TRAF3: variants seen among roughly 807,000 people sequenced by gnomAD.
TRAF3 encodes TNF receptor associated factor 3, also known as TNF receptor-associated factor 3.
TRAF3 carries 13 observed loss-of-function variants against 62.3 expected under a neutral mutation model. That is an observed-to-expected ratio of 0.21 (90% CI 0.14 to 0.33). The LOEUF is 0.33. Among genes scored for constraint, TRAF3 ranks in the 10% least tolerant of loss-of-function variants. The probability of loss-of-function intolerance (pLI) is 1.00; values close to 1 mark genes in which losing one functional copy is unlikely to be tolerated. For synonymous variants in TRAF3, 269 were observed against 283.4 expected, an observed-to-expected ratio of 0.95 and a Z score of 0.51; for missense variants, 440 against 741.8, an observed-to-expected ratio of 0.59 and a Z score of 4.73.
At chr14:102,784,498 C>T (rs1897402833) in intron 1 of TRAF3, among the ~76,000 whole-genome samples, 1 of 152,178 alleles carries the variant, frequency 6.6e-6, no homozygotes, top group Non-Finnish European at 1.5e-5. Flanking sequence ...GCTGGGATTA[C>T]AGGCGTGAGG....
chr14:102,905,248 A>T lies in TRAF3; in HGVS notation c.1171A>T (p.Met391Leu). The T allele has an allele frequency of 1.2e-6, 2 of 1,614,144 alleles. No individual in the cohort carries two copies. The highest frequency in any genetic ancestry group is 1.7e-6 in the Non-Finnish European group (2 of 1,180,044). ...LESQLSRHDQ[M>L]LSVHDIRLAD... ...GTCCCAGCTGAGCCGGCATGACCAG[A>T]TGCTGAGTGTGCACGACATCCGCCT... The change falls in exon 12 of 12, where the codon ATG becomes TTG. Residue 391 changes from methionine to leucine, a missense_variant. Met to Leu is a conservative substitution (Grantham distance 15). This residue lies in a region of TRAF3 where 41 missense variants were observed against 40.0 expected (regional missense o/e 1.03). Coordinates refer to ENST00000392745, the MANE Select transcript of TRAF3 (RefSeq NM_145725.3).
At chr14:102,873,838 G>C (rs921474229) in intron 4 of TRAF3, among the ~76,000 whole-genome samples, 9 of 152,006 alleles carry the variant, frequency 5.9e-5, no homozygotes, top group African/African-American at 2.2e-4. Flanking sequence ...AACAGCTGTT[G>C]ATTTTATTTC....
intron 1 of TRAF3, among the ~76,000 whole-genome samples, chr14:102,827,021 C>T (rs148241026): frequency 3.9e-5 from 6 of 152,284 alleles, no homozygotes; most frequent in South Asian, 2.1e-4. Context: ...GGACGGGCTC[C>T]GGCCACAGGC....
intron 1 of TRAF3, among the ~76,000 whole-genome samples, chr14:102,795,563 C>T (rs1898026488): frequency 7.5e-6 from 1 of 132,714 alleles, no homozygotes; most frequent in South Asian, 3.0e-4. Flanking sequence ...TATACACACA[C>T]ATATATACAT....
chr14:102,892,662 C>T (rs574397055), intron 9 of TRAF3, among the ~76,000 whole-genome samples: 2 of 152,308 alleles, frequency 1.3e-5, no homozygotes, highest in African/African-American at 4.8e-5. Context: ...ATTTGAGTTT[C>T]GTAAAGATTT....
rs1241699900 is a variant in TRAF3, at chr14:102,777,720, G to GCGCCTCCATCCCCGT, written c.-157+58_-157+72dup. On this transcript the variant is annotated intron_variant, in intron 1 of 11. Transcript: ENST00000392745. Reference sequence around the variant, plus strand: ...GGGCGGGCCTCCGGCGCGCGGCCGGGCGCCTCCATCCCCGTCGCCTCCATC... The same window carrying GCGCCTCCATCCCCGT: ...GGGCGGGCCTCCGGCGCGCGGCCGGGCGCCTCCATCCCCGTCGCCTCCATCCCCGTCGCCTCCATC... 6 of 144,990 alleles carry GCGCCTCCATCCCCGT rather than the reference G, an allele frequency of 4.1e-5. No homozygotes were observed. In the East Asian group the frequency reaches 8.2e-4, roughly 20 times the overall value. The allele number at this position is 144,990 out of a possible 1,614,324, so 9.0% of individuals were successfully genotyped here.
At chr14:102,800,775 A>C (rs1004933277) in intron 1 of TRAF3, among the ~76,000 whole-genome samples, 5 of 143,878 alleles carry the variant, frequency 3.5e-5, no homozygotes, top group Non-Finnish European at 4.5e-5. Context: ...AGCTCTCTGC[A>C]GCCTTGAACT....
chr14:102,806,589 C>G (rs1898786228), intron 1 of TRAF3, among the ~76,000 whole-genome samples: 1 of 152,146 alleles, frequency 6.6e-6, no homozygotes, highest in African/African-American at 2.4e-5. Flanking sequence ...CTATTGAGTC[C>G]TTGGTATGTG....
intron 2 of TRAF3, among the ~76,000 whole-genome samples, chr14:102,833,449 A>ATCCT (rs911671272): frequency 1.3e-4 from 20 of 152,176 alleles, no homozygotes; most frequent in African/African-American, 4.8e-4. Flanking sequence ...TTGCGAATGG[A>ATCCT]TCCTTCCTTC....
chr14:102,888,833 G>C (rs748688878), intron 7 of TRAF3, among the ~76,000 whole-genome samples: 3 of 152,116 alleles, frequency 2.0e-5, no homozygotes, highest in African/African-American at 7.2e-5. Context: ...CTTTTCTCTT[G>C]TTAGGGCATC....
Position 102,801,409 on chromosome 14 carries a change from G to A in TRAF3, c.-157+23734G>A, listed in dbSNP as rs897094302. Among the ~76,000 whole-genome samples the A allele has an allele frequency of 3.9e-5, 6 of 152,054 alleles. No individual in the cohort carries two copies. In the East Asian group the frequency reaches 5.8e-4, roughly 15 times the overall value. ...TGAACTCTGAAACACATCTGGCCTCGGTTTTGGATAAGGATTGTGGTGCTA... is the reference window on the plus strand; with the variant it reads ...TGAACTCTGAAACACATCTGGCCTCAGTTTTGGATAAGGATTGTGGTGCTA... On this transcript the variant is annotated intron_variant, in intron 1 of 11. Transcript: ENST00000392745.
intron 7 of TRAF3, among the ~76,000 whole-genome samples, chr14:102,887,514 G>A (rs796111180): frequency 1.1e-4 from 17 of 152,334 alleles, no homozygotes; most frequent in African/African-American, 4.1e-4. Flanking sequence ...CCTGGGAGGA[G>A]CTAGGGAAAA....
chr14:102,827,571 C>G (rs1163231758), intron 1 of TRAF3, among the ~76,000 whole-genome samples: 1 of 152,090 alleles, frequency 6.6e-6, no homozygotes, highest in African/African-American at 2.4e-5. Context: ...GGGGAATTTT[C>G]CTCTTGTGGT....
intron 2 of TRAF3, among the ~76,000 whole-genome samples, chr14:102,869,185 C>T (rs898314622): frequency 6.6e-6 from 1 of 152,234 alleles, no homozygotes; most frequent in Non-Finnish European, 1.5e-5. Context: ...CACTCCACAG[C>T]TCTGTGCACA....
intron 3 of TRAF3, among the ~76,000 whole-genome samples, chr14:102,870,910 G>A (rs1393255292): frequency 1.3e-5 from 2 of 152,240 alleles, no homozygotes; most frequent in Non-Finnish European, 2.9e-5. Context: ...AGGCGTGTGT[G>A]GAACATGCAC....
intron 2 of TRAF3, among the ~76,000 whole-genome samples, chr14:102,846,417 T>C (rs545615708): frequency 1.3e-5 from 2 of 152,262 alleles, no homozygotes; most frequent in East Asian, 3.9e-4. Context: ...TATGATTTTG[T>C]TATTTTCATC....
chr14:102,784,930 G>C (rs542303973), intron 1 of TRAF3, among the ~76,000 whole-genome samples: 1 of 152,162 alleles, frequency 6.6e-6, no homozygotes, highest in South Asian at 2.1e-4. Context: ...CTTCAGGGGA[G>C]AGGGTACAGG....
chr14:102,845,980 CAAAAAAAAAAAAAA>C (rs35353834), intron 2 of TRAF3, among the ~76,000 whole-genome samples: 8 of 56,850 alleles, frequency 1.4e-4, no homozygotes, highest in African/African-American at 3.4e-4. Context: ...GACCGTGTCT[CAAAAAAAAAAAAAA>C]AAAAAAAAAA....
At chr14:102,788,704 A>T (rs1301091266) in intron 1 of TRAF3, among the ~76,000 whole-genome samples, 6 of 152,208 alleles carry the variant, frequency 3.9e-5, no homozygotes, top group Non-Finnish European at 1.5e-5. Context: ...AGGCTGAGGC[A>T]GGAGAATCAC....
Sources: allele counts gnomAD v4.1 joint callset (sites outside exome capture counted in the v4.1 genomes callset), GRCh38; gene constraint gnomAD v4.1.1; regional missense constraint gnomAD v4.1.1; transcripts MANE v1.5; gene names NCBI Gene and HGNC (gene_info 2026-07-23, HGNC 2026-07-21).